The following SUCLG2 variants were observed in gnomAD, a reference collection of about 807,000 sequenced individuals.
SUCLG2 encodes succinate-CoA ligase GDP-forming subunit beta.
In SUCLG2, 42 loss-of-function variants were observed where a neutral mutation model predicts 47.9. The observed-to-expected ratio is 0.88, with a 90% CI of 0.69 to 1.14. SUCLG2 has a LOEUF of 1.14. Among genes scored for constraint, SUCLG2 ranks in the 50% most tolerant of loss-of-function variants. The probability of loss-of-function intolerance (pLI) is 0.00; values close to 1 mark genes in which losing one functional copy is unlikely to be tolerated. For missense variants in SUCLG2, 571 were observed against 525.9 expected (o/e 1.09, Z -0.84); for synonymous variants, 195 against 197.3 (o/e 0.99, Z 0.10).
intron 1 of SUCLG2, among the ~76,000 whole-genome samples, chr3:67,628,008 T>G (rs1288853199): frequency 2.6e-5 from 4 of 152,216 alleles, no homozygotes; most frequent in African/African-American, 9.7e-5. Flanking sequence ...TTGGAGTTTT[T>G]TGCCCTTCTA....
chr3:67,434,235 T>C (rs1033587941), intron 9 of SUCLG2, among the ~76,000 whole-genome samples: 4 of 152,146 alleles, frequency 2.6e-5, no homozygotes, highest in African/African-American at 7.2e-5. Context: ...AAGTTCAATT[T>C]AAAATTGTGG....
chr3:67,574,236 C>A (rs116779802), intron 2 of SUCLG2, among the ~76,000 whole-genome samples: 3 of 152,178 alleles, frequency 2.0e-5, no homozygotes, highest in African/African-American at 7.2e-5. Context: ...AGGATAATCT[C>A]TCATCTAAAC....
intron 1 of SUCLG2, among the ~76,000 whole-genome samples, chr3:67,647,325 G>A (rs1453536686): frequency 6.6e-6 from 1 of 152,134 alleles, no homozygotes. Flanking sequence ...TATGGCTACT[G>A]CCTAAGTCCT....
chr3:67,648,742 C>T (rs1273801054), intron 1 of SUCLG2, among the ~76,000 whole-genome samples: 1 of 152,182 alleles, frequency 6.6e-6, no homozygotes, highest in African/African-American at 2.4e-5. Flanking sequence ...ACTAGGATTT[C>T]TATAGCCCCT....
intron 4 of SUCLG2, among the ~76,000 whole-genome samples, chr3:67,526,372 T>C (rs943253362): frequency 6.6e-6 from 1 of 152,232 alleles, no homozygotes; most frequent in Non-Finnish European, 1.5e-5. Context: ...CATCCTGGGA[T>C]GCCTGTGGCC....
chr3:67,639,116 T>G (rs1158112380), intron 1 of SUCLG2, among the ~76,000 whole-genome samples: 1 of 152,180 alleles, frequency 6.6e-6, no homozygotes, highest in Admixed American at 6.5e-5. Flanking sequence ...GTTCCTGGCA[T>G]GTTTTTAAAG....
chr3:67,616,602 A>G (rs1338436857), intron 1 of SUCLG2, among the ~76,000 whole-genome samples: 1 of 152,236 alleles, frequency 6.6e-6, no homozygotes, highest in South Asian at 2.1e-4. Context: ...TTTGTGCCAT[A>G]AATATCAATC....
intron 2 of SUCLG2, among the ~76,000 whole-genome samples, chr3:67,567,136 A>G (rs2107228486): frequency 6.6e-6 from 1 of 152,142 alleles, no homozygotes; most frequent in South Asian, 2.1e-4. Flanking sequence ...GTGCGCCAAG[A>G]TCGCGCCACT....
chr3:67,369,614 G>T (rs994195106), intron 10 of SUCLG2, among the ~76,000 whole-genome samples: 3 of 152,214 alleles, frequency 2.0e-5, no homozygotes, highest in African/African-American at 7.2e-5. Context: ...CTGGGCCTGT[G>T]TGCAGTCTTG....
intron 10 of SUCLG2, among the ~76,000 whole-genome samples, chr3:67,380,447 A>G (rs73098354): frequency 0.012 from 1,863 of 152,300 alleles, 28 homozygotes; most frequent in Non-Finnish European, 0.023. Context: ...CTTCAGTGCC[A>G]TGTGAAAATG....
chr3:67,522,436 A>T (rs1215684132), intron 4 of SUCLG2, among the ~76,000 whole-genome samples: 1 of 151,984 alleles, frequency 6.6e-6, no homozygotes, highest in Non-Finnish European at 1.5e-5. Flanking sequence ...TTCTTTTAGT[A>T]TCCCTGTAGA....
intron 2 of SUCLG2, among the ~76,000 whole-genome samples, chr3:67,570,692 C>T (rs572676679): frequency 3.1e-4 from 47 of 152,212 alleles, no homozygotes; most frequent in Non-Finnish European, 6.6e-4. Flanking sequence ...CCCTGGCTGG[C>T]AATACTCTGT....
intron 2 of SUCLG2, among the ~76,000 whole-genome samples, chr3:67,594,662 A>G (rs909853373): frequency 6.6e-6 from 1 of 152,174 alleles, no homozygotes; most frequent in Non-Finnish European, 1.5e-5. Context: ...TATTCAAACT[A>G]TTTTCTGCAT....
At chr3:67,574,412 A>C (rs1472540496) in intron 2 of SUCLG2, among the ~76,000 whole-genome samples, 1 of 152,232 alleles carries the variant, frequency 6.6e-6, no homozygotes, top group Non-Finnish European at 1.5e-5. Flanking sequence ...AGAGGCCAGA[A>C]ATAAATTCTT....
chr3:67,643,507 G>T (rs933261964), intron 1 of SUCLG2, among the ~76,000 whole-genome samples: 1 of 152,152 alleles, frequency 6.6e-6, no homozygotes, highest in African/African-American at 2.4e-5. Context: ...TGTCCTCCAA[G>T]GCTGTATAAT....
chr3:67,415,574 CTG>C (rs1295415580), intron 9 of SUCLG2, among the ~76,000 whole-genome samples: 4 of 152,232 alleles, frequency 2.6e-5, no homozygotes. Context: ...TCCAGATCTA[CTG>C]TGTCATATGG....
At chr3:67,518,027 T>C (rs1340844856) in intron 6 of SUCLG2, among the ~76,000 whole-genome samples, 1 of 152,222 alleles carries the variant, frequency 6.6e-6, no homozygotes, top group Non-Finnish European at 1.5e-5. Flanking sequence ...GCAATACACA[T>C]GCACACACAT....
intron 2 of SUCLG2, among the ~76,000 whole-genome samples, chr3:67,549,415 TA>T (rs1706951511): frequency 1.3e-5 from 2 of 152,178 alleles, no homozygotes; most frequent in South Asian, 4.1e-4. Context: ...ACTTAGAAGA[TA>T]AAAGCCAAAA....
intron 1 of SUCLG2, among the ~76,000 whole-genome samples, chr3:67,627,876 C>A (rs1319356657): frequency 3.3e-5 from 5 of 152,176 alleles, no homozygotes; most frequent in Non-Finnish European, 7.3e-5. Flanking sequence ...CTCTGCAGGA[C>A]CTATGTTCCA....
Sources: allele counts gnomAD v4.1 joint callset (sites outside exome capture counted in the v4.1 genomes callset), GRCh38; gene constraint gnomAD v4.1.1; transcripts MANE v1.5; gene names NCBI Gene and HGNC (gene_info 2026-07-23, HGNC 2026-07-21).